The following POU3F3 variants were observed in gnomAD, a reference collection of about 807,000 sequenced individuals.
POU3F3 encodes POU domain, class 3, transcription factor 3.
A neutral mutation model predicts 8.6 loss-of-function variants in POU3F3; 1 was observed. The ratio of observed to expected loss-of-function variants is 0.12; its 90% CI spans 0.04 to 0.55. The LOEUF (loss-of-function observed/expected upper bound fraction) is 0.55. POU3F3 is among the 20% of genes least tolerant of loss of function. POU3F3 has a pLI of 0.91. For missense variants in POU3F3, 577 were observed against 690.7 expected, an observed-to-expected ratio of 0.84 and a Z score of 1.84; for synonymous variants, 418 against 327.4, an observed-to-expected ratio of 1.28 and a Z score of -2.99.
At chr2:104,913,948 C>T in the POU3F3 span, among the ~76,000 whole-genome samples, 1 of 152,054 alleles carries the variant, frequency 6.6e-6, no homozygotes. Context: ...CAGTGAATGT[C>T]CAGTTTTTGG....
chr2:104,874,360 C>T, the POU3F3 span, among the ~76,000 whole-genome samples: 1 of 152,186 alleles, frequency 6.6e-6, no homozygotes, highest in Non-Finnish European at 1.5e-5. Context: ...CAGGCCTCCC[C>T]GCCAGGGTTC....
the POU3F3 span, among the ~76,000 whole-genome samples, chr2:104,895,160 G>A: frequency 9.9e-5 from 15 of 151,788 alleles, no homozygotes; most frequent in Admixed American, 9.2e-4. Flanking sequence ...CACCTTTTTG[G>A]GCTGAGCGGT....
chr2:104,880,197 C>G, the POU3F3 span, among the ~76,000 whole-genome samples: 1 of 152,300 alleles, frequency 6.6e-6, no homozygotes, highest in Non-Finnish European at 1.5e-5. Flanking sequence ...CCTCCGCCCC[C>G]CACCACATAG....
chr2:104,869,170 C>A, the POU3F3 span, among the ~76,000 whole-genome samples: 1 of 152,198 alleles, frequency 6.6e-6, no homozygotes, highest in Non-Finnish European at 1.5e-5. Context: ...AGCGAGAGAC[C>A]TTGATGAAAT....
At chr2:104,908,792 G>A in the POU3F3 span, among the ~76,000 whole-genome samples, 1 of 152,206 alleles carries the variant, frequency 6.6e-6, no homozygotes, top group African/African-American at 2.4e-5. Context: ...GCAATGCATG[G>A]AGACATCAAT....
chr2:104,901,963 T>G, the POU3F3 span, among the ~76,000 whole-genome samples: 4 of 152,230 alleles, frequency 2.6e-5, no homozygotes, highest in Non-Finnish European at 5.9e-5. Flanking sequence ...GCCCCAAGGC[T>G]TAGACTCAGC....
At chr2:104,912,080 G>A in the POU3F3 span, among the ~76,000 whole-genome samples, 1 of 152,124 alleles carries the variant, frequency 6.6e-6, no homozygotes, top group Non-Finnish European at 1.5e-5. Flanking sequence ...CCCACAGGCC[G>A]TCTCTGCCTC....
chr2:104,861,175 G>A (rs1051352244), downstream of POU3F3, among the ~76,000 whole-genome samples: 6 of 152,106 alleles, frequency 3.9e-5, no homozygotes, highest in Non-Finnish European at 8.8e-5. Flanking sequence ...TACTTTAAGA[G>A]ACGGGCATAT....
In POU3F3 at chr2:104,856,572, G is replaced by A. The variant is rs371621473; in HGVS notation, c.1062G>A (p.Val354=). The change falls in exon 1 of 1, where the codon GTG becomes GTA. Residue 354 remains valine, a synonymous_variant. Transcript: ENST00000361360. ...GLALGTLYGN[V]FSQTTICRFE... ...CGCTGGGCACACTCTACGGCAACGT[G>A]TTCTCGCAGACCACCATCTGCCGCT... The A allele has an allele frequency of 1.6e-5, 26 of 1,614,046 alleles. No homozygotes were observed. The highest frequency in any genetic ancestry group is 1.0e-5 in the Non-Finnish European group (12 of 1,180,040).
At chr2:104,882,954 TAGTA>T in the POU3F3 span, among the ~76,000 whole-genome samples, 1 of 152,068 alleles carries the variant, frequency 6.6e-6, no homozygotes, top group Non-Finnish European at 1.5e-5. Flanking sequence ...TGACAGGTGG[TAGTA>T]AGAGGAATAT....
the POU3F3 span, among the ~76,000 whole-genome samples, chr2:104,864,932 G>A: frequency 7.9e-5 from 12 of 152,206 alleles, no homozygotes; most frequent in African/African-American, 2.7e-4. Context: ...TGACACGTGC[G>A]TGTGTGTCTG....
chr2:104,878,982 GCA>G, the POU3F3 span, among the ~76,000 whole-genome samples: 3 of 150,772 alleles, frequency 2.0e-5, no homozygotes, highest in Admixed American at 6.6e-5. Flanking sequence ...ACACAACACG[GCA>G]CACACAACAC....
chr2:104,904,922 C>T, the POU3F3 span, among the ~76,000 whole-genome samples: 3 of 152,248 alleles, frequency 2.0e-5, no homozygotes, highest in East Asian at 5.8e-4. Context: ...CTGAATTCCT[C>T]AGGCCAGACT....
chr2:104,864,001 C>A, the POU3F3 span, among the ~76,000 whole-genome samples: 1 of 152,224 alleles, frequency 6.6e-6, no homozygotes, highest in East Asian at 1.9e-4. Context: ...TTGGGCAGCC[C>A]CCGGCGCTTG....
the POU3F3 span, among the ~76,000 whole-genome samples, chr2:104,917,073 G>A: frequency 3.3e-5 from 5 of 152,238 alleles, no homozygotes; most frequent in Non-Finnish European, 2.9e-5. Context: ...CTCAGTCACC[G>A]GTGCTCCTGG....
At chr2:104,927,633 T>G in the POU3F3 span, among the ~76,000 whole-genome samples, 43 of 109,976 alleles carry the variant, frequency 3.9e-4, no homozygotes, top group Non-Finnish European at 6.4e-4. Flanking sequence ...GGCATGCACC[T>G]GTAAGTCTGA....
At chr2:104,920,319 C>G in the POU3F3 span, among the ~76,000 whole-genome samples, 25 of 152,286 alleles carry the variant, frequency 1.6e-4, no homozygotes, top group Admixed American at 9.8e-4. Context: ...CCAGCCACAG[C>G]TGACTTTTTA....
the POU3F3 span, among the ~76,000 whole-genome samples, chr2:104,921,649 T>C: frequency 6.6e-6 from 1 of 152,132 alleles, no homozygotes; most frequent in African/African-American, 2.4e-5. Context: ...TCTCACTTCA[T>C]TTTTCTCATC....
At chr2:104,871,237 C>A in the POU3F3 span, among the ~76,000 whole-genome samples, 5 of 152,242 alleles carry the variant, frequency 3.3e-5, no homozygotes, top group African/African-American at 1.2e-4. Flanking sequence ...CGTAACTTGG[C>A]AGAGCCAGAA....
Sources: gnomAD v4.1 joint callset for allele counts (sites outside exome capture counted in the v4.1 genomes callset) on GRCh38, gnomAD v4.1.1 for gene constraint, MANE v1.5 for transcripts, NCBI Gene and HGNC (gene_info 2026-07-23, HGNC 2026-07-21) for gene names.